The following NGEF variants were observed in gnomAD, a reference collection of about 807,000 sequenced individuals.
NGEF encodes neuronal guanine nucleotide exchange factor, also known as ephexin-1.
A neutral mutation model predicts 80.9 loss-of-function variants in NGEF; 31 were observed. That is an observed-to-expected ratio of 0.38 (90% CI 0.29 to 0.52). NGEF has a LOEUF of 0.52. NGEF is among the 20% of genes least tolerant of loss of function. The pLI is 0.84. For synonymous variants in NGEF, 371 were observed against 370.2 expected, an observed-to-expected ratio of 1.00 and a Z score of -0.03; for missense variants, 709 against 926.2, an observed-to-expected ratio of 0.77 and a Z score of 3.04.
intron 3 of NGEF, among the ~76,000 whole-genome samples, chr2:232,945,043 C>G (rs144292653): frequency 0.016 from 2,412 of 152,064 alleles, 63 homozygotes; most frequent in African/African-American, 0.056. Flanking sequence ...TGAGCCACCA[C>G]GCCTGGCCTA....
intron 5 of NGEF, among the ~76,000 whole-genome samples, chr2:232,919,534 C>T (rs1355635849): frequency 3.9e-5 from 6 of 152,070 alleles, no homozygotes; most frequent in African/African-American, 1.2e-4. Flanking sequence ...TTCCTGTTTA[C>T]TCCTGACCAT....
chr2:232,891,151 C>T (rs1352838448), intron 8 of NGEF, among the ~76,000 whole-genome samples: 1 of 152,252 alleles, frequency 6.6e-6, no homozygotes, highest in Non-Finnish European at 1.5e-5. Flanking sequence ...CACTTCCTGG[C>T]TGTGCATGGT....
intron 3 of NGEF, among the ~76,000 whole-genome samples, chr2:232,934,699 G>C (rs1693293093): frequency 6.6e-6 from 1 of 152,130 alleles, no homozygotes; most frequent in Non-Finnish European, 1.5e-5. Context: ...CGTAGTAGGT[G>C]CTCTATAAAT....
chr2:232,982,062 G>A (rs1469600890), intron 1 of NGEF, among the ~76,000 whole-genome samples: 1 of 152,192 alleles, frequency 6.6e-6, no homozygotes, highest in Non-Finnish European at 1.5e-5. Context: ...CCACAGCCCT[G>A]GGTGACTGGG....
At chr2:233,000,147 G>A (rs1694939297) in intron 1 of NGEF, among the ~76,000 whole-genome samples, 1 of 152,154 alleles carries the variant, frequency 6.6e-6, no homozygotes, top group Non-Finnish European at 1.5e-5. Context: ...CCACGCTGGA[G>A]GGCAGTGGTG....
At chr2:232,963,581 A>G (rs1047642651) in intron 3 of NGEF, among the ~76,000 whole-genome samples, 4 of 152,104 alleles carry the variant, frequency 2.6e-5, no homozygotes, top group Admixed American at 1.3e-4. Flanking sequence ...TGGGAGGCCG[A>G]GGCAGGCAGA....
At chr2:232,960,936 G>C (rs1421693633) in intron 3 of NGEF, among the ~76,000 whole-genome samples, 1 of 152,168 alleles carries the variant, frequency 6.6e-6, no homozygotes, top group African/African-American at 2.4e-5. Flanking sequence ...GAGTGTAAAG[G>C]TGCTTGACAT....
chr2:232,970,550 C>T (rs1045569768), intron 2 of NGEF, among the ~76,000 whole-genome samples: 6 of 152,016 alleles, frequency 3.9e-5, no homozygotes, highest in Non-Finnish European at 7.4e-5. Context: ...AATTATGGGC[C>T]GAGTGCGGTG....
At chr2:232,906,808 T>C (rs1692568276) in intron 5 of NGEF, among the ~76,000 whole-genome samples, 1 of 151,650 alleles carries the variant, frequency 6.6e-6, no homozygotes, top group South Asian at 2.1e-4. Context: ...GTAGTAGACA[T>C]GGGAGACTTT....
chr2:232,997,385 A>AG (rs1694876158), intron 1 of NGEF, among the ~76,000 whole-genome samples: 1 of 152,144 alleles, frequency 6.6e-6, no homozygotes, highest in Admixed American at 6.5e-5. Flanking sequence ...TTGGAGGGAC[A>AG]GGGTGGTGTG....
intron 3 of NGEF, among the ~76,000 whole-genome samples, chr2:232,947,397 C>A (rs1028996668): frequency 2.6e-5 from 4 of 152,158 alleles, no homozygotes; most frequent in African/African-American, 9.7e-5. Flanking sequence ...CAAATCTCAT[C>A]TCTAATTGTA....
intron 3 of NGEF, among the ~76,000 whole-genome samples, chr2:232,952,340 TTC>T (rs1362751632): frequency 3.3e-5 from 5 of 152,232 alleles, no homozygotes; most frequent in African/African-American, 1.2e-4. Context: ...TTTAAATGCG[TTC>T]TTTCATTGAT....
chr2:232,921,851 C>T (rs984844141), intron 4 of NGEF, among the ~76,000 whole-genome samples: 2 of 152,156 alleles, frequency 1.3e-5, no homozygotes, highest in African/African-American at 4.8e-5. Flanking sequence ...AGGACGGAGG[C>T]TTGCACTGAA....
chr2:232,956,566 A>G (rs534590041), intron 3 of NGEF, among the ~76,000 whole-genome samples: 23 of 152,284 alleles, frequency 1.5e-4, no homozygotes, highest in African/African-American at 4.8e-4. Context: ...CAGGAGTTCG[A>G]GACCAGCCTG....
chr2:232,991,674 T>C (rs1461533674), intron 1 of NGEF, among the ~76,000 whole-genome samples: 2 of 152,186 alleles, frequency 1.3e-5, no homozygotes, highest in African/African-American at 2.4e-5. Flanking sequence ...ACTCTCCAAA[T>C]TGATCTCCAT....
At chr2:232,989,148 G>C (rs554732711) in intron 1 of NGEF, among the ~76,000 whole-genome samples, 17 of 152,148 alleles carry the variant, frequency 1.1e-4, no homozygotes, top group Admixed American at 8.5e-4. Flanking sequence ...ATACATTTTT[G>C]GTTCTTAAAG....
chr2:232,956,258 G>A (rs1693830051), intron 3 of NGEF, among the ~76,000 whole-genome samples: 1 of 152,108 alleles, frequency 6.6e-6, no homozygotes, highest in African/African-American at 2.4e-5. Flanking sequence ...AACAGGTGGG[G>A]TTTTGAGAGA....
chr2:232,894,772 G>A lies in NGEF; in HGVS notation c.973C>T (p.Leu325=). 6.3e-7 allele frequency: 1 copy of A among 1,588,650 alleles called. No homozygotes were observed. Among genetic ancestry groups the A allele is most frequent in the Non-Finnish European group, 8.6e-7 (1 of 1,160,168 alleles). The change falls in exon 6 of 15, where the codon CTG becomes TTG. Residue 325 remains leucine (L), a synonymous_variant. Transcript: ENST00000264051. ...HILFSNVLDV[L]AVSERFLLEL... ...CGTCCTCACCGCTCACTGACAGCCAGCACGTCCAGGACGTTGGAGAAGAGG... is the reference window on the plus strand; with the variant it reads ...CGTCCTCACCGCTCACTGACAGCCAACACGTCCAGGACGTTGGAGAAGAGG...
At chr2:232,948,434 T>C (rs920567952) in intron 3 of NGEF, among the ~76,000 whole-genome samples, 2 of 152,124 alleles carry the variant, frequency 1.3e-5, no homozygotes, top group African/African-American at 4.8e-5. Flanking sequence ...GAAGGATGTC[T>C]TTATTCTTAA....
Sources: gnomAD v4.1 joint callset for allele counts (sites outside exome capture counted in the v4.1 genomes callset) on GRCh38, gnomAD v4.1.1 for gene constraint, MANE v1.5 for transcripts, NCBI Gene and HGNC (gene_info 2026-07-23, HGNC 2026-07-21) for gene names.